PRKCG: variants seen among roughly 807,000 people sequenced by gnomAD.
The protein encoded by PRKCG is protein kinase C gamma type.
A neutral mutation model predicts 82.0 loss-of-function variants in PRKCG; 28 were observed. The ratio of observed to expected loss-of-function variants is 0.34; its 90% confidence interval spans 0.25 to 0.47. The LOEUF (loss-of-function observed/expected upper bound fraction) is 0.47, where lower values mean the gene tolerates loss of function less well. PRKCG is among the 20% of genes least tolerant of loss of function. PRKCG has a pLI of 1.00. For synonymous variants in PRKCG, 383 were observed against 376.6 expected (o/e 1.02, Z -0.20); for missense variants, 640 against 952.7 (o/e 0.67, Z 4.32).
chr19:53,884,467 G>A lies in PRKCG; in HGVS notation c.285+224G>A, dbSNP rs886210001. Among the ~76,000 whole-genome samples the A allele has an allele frequency of 2.6e-5, 4 of 152,242 alleles. No individual in the cohort carries two copies. Among genetic ancestry groups the A allele is most frequent in the South Asian group, 4.1e-4 (2 of 4,822 alleles). On this transcript the variant is annotated intron_variant, in intron 3 of 17. Transcript: ENST00000263431. This position sits in a 1 kb window ranked among gnomAD's most constrained non-coding sequence, Gnocchi z 4.6. ...ACGGGTGGGGCACAGAGAGGAGGCC[G>A]GGGTGAGGAGACTGAAGATGGGTGC...
At chr19:53,887,484 C>A (rs2068639248) in intron 3 of PRKCG, among the ~76,000 whole-genome samples, 1 of 27,856 alleles carries the variant, frequency 3.6e-5, no homozygotes. Context: ...GCAGCAAGAA[C>A]AAAACTCTGT....
At chr19:53,903,664 G>T (rs377472049) in intron 15 of PRKCG, among the ~76,000 whole-genome samples, 13 of 152,234 alleles carry the variant, frequency 8.5e-5, no homozygotes, top group Middle Eastern at 3.4e-3. Context: ...GGTCACATGA[G>T]CCCAAGAACT....
At chr19:53,901,999 A>C (rs2068767865) in intron 14 of PRKCG, among the ~76,000 whole-genome samples, 1 of 152,024 alleles carries the variant, frequency 6.6e-6, no homozygotes. Context: ...ATGTACGTAT[A>C]GATGGATAAA....
chr19:53,891,563 T>A (rs1239092140), intron 5 of PRKCG, 111 bp from the exon 6 acceptor site: 6 of 1,374,594 alleles, frequency 4.4e-6, no homozygotes, highest in Non-Finnish European at 6.2e-6. Context: ...ATTACAGGCA[T>A]GAGCCGCCGT....
chr19:53,893,454 T>C (rs1255914908), intron 9 of PRKCG, 63 bp downstream of exon 9: 1 of 1,510,296 alleles, frequency 6.6e-7, no homozygotes, highest in African/African-American at 1.4e-5. Flanking sequence ...TTCTTATTCC[T>C]CCTCTGACTT....
At chr19:53,903,192 G>A in intron 15 of PRKCG, 39 bp downstream of exon 15, 3 of 1,527,630 alleles carry the variant, frequency 2.0e-6, no homozygotes, top group Non-Finnish European at 2.7e-6. Flanking sequence ...GGCTAAAAGA[G>A]ACAGAGAGGG....
Position 53,900,874 on chromosome 19 carries a change from A to C in PRKCG, c.1575+125A>C, listed in dbSNP as rs1599952069. On this transcript the variant is annotated intron_variant, in intron 14 of 17. Coordinates refer to ENST00000263431, the MANE Select transcript of PRKCG (RefSeq NM_002739.5). This position sits in a 1 kb window ranked among gnomAD's most constrained non-coding sequence, Gnocchi z 4.2. ...TTGTCATGAGTTGTGGCCTTCTTAC[A>C]CAGCCAGTCGTTCCTCCAGCCTCCA... The C allele has an allele frequency of 3.8e-5, 57 of 1,511,978 alleles. No individual in the cohort carries two copies. Among genetic ancestry groups the C allele is most frequent in the African/African-American group, 2.7e-5 (2 of 73,200 alleles). 93.7% of individuals were successfully genotyped at this position (1,511,978 alleles called of 1,614,324 possible). A position where few individuals can be genotyped will look rare whatever the true frequency, so the allele number is the denominator to read the frequency against.
chr19:53,883,092 C>T lies in PRKCG; in HGVS notation c.171-71C>T, dbSNP rs535653133. 1 of 1,588,244 alleles carries T rather than the reference C, an allele frequency of 6.3e-7. No individual in the cohort carries two copies. The highest frequency in any genetic ancestry group is 2.2e-5 in the East Asian group (1 of 44,728). Reference sequence around the variant, plus strand: ...GAGGAGGGTCAGAGAGCGCAGGCCCCCTGTGGCTCGCAGAGGTTGGGGGTC... The same window carrying T: ...GAGGAGGGTCAGAGAGCGCAGGCCCTCTGTGGCTCGCAGAGGTTGGGGGTC... On this transcript the variant is annotated intron_variant, in intron 1 of 17. Coordinates refer to ENST00000263431, the MANE Select transcript of PRKCG (RefSeq NM_002739.5). The surrounding 1 kb of genome is among the most constrained non-coding windows in gnomAD (Gnocchi z 5.4).
intron 14 of PRKCG, 131 bp from the exon 15 acceptor site, chr19:53,902,942 T>G: frequency 3.7e-6 from 1 of 270,946 alleles, no homozygotes. Context: ...CCTGATGAAA[T>G]AAATATTCAG....
intron 11 of PRKCG, 141 bp downstream of exon 11, chr19:53,898,769 CAGGGGGCGTGGCCGGGGGGGGGTCCTTG>C (rs2068736999): frequency 3.1e-5 from 1 of 31,962 alleles, no homozygotes; most frequent in African/African-American, 1.9e-4. Flanking sequence ...ATTGTCTCCT[CAGGGGGCGTGGCCGGGGGGGGGTCCTTG>C]GGGGGCGTGG....
chr19:53,891,137 G>A (rs1222717520), intron 5 of PRKCG, among the ~76,000 whole-genome samples: 1 of 152,138 alleles, frequency 6.6e-6, no homozygotes, highest in Non-Finnish European at 1.5e-5. Context: ...CATGGCCAGG[G>A]TCCAAACTCT....
Position 53,900,883 on chromosome 19 carries a change from C to CGACT in PRKCG, c.1575+135_1575+136insACTG, listed in dbSNP as rs2068758661. 1 of 1,473,506 alleles carries CGACT rather than the reference C, an allele frequency of 6.8e-7. No homozygotes were observed. Among genetic ancestry groups the CGACT allele is most frequent in the African/African-American group, 1.4e-5 (1 of 72,092 alleles). 91.3% of individuals were successfully genotyped at this position (1,473,506 alleles called of 1,614,324 possible). A position where few individuals can be genotyped will look rare whatever the true frequency, so the allele number is the denominator to read the frequency against. On this transcript the variant is annotated intron_variant, in intron 14 of 17. Coordinates refer to ENST00000263431, the MANE Select transcript of PRKCG (RefSeq NM_002739.5). This position sits in a 1 kb window ranked among gnomAD's most constrained non-coding sequence, Gnocchi z 4.2. ...GTTGTGGCCTTCTTACACAGCCAGT[C>CGACT]GTTCCTCCAGCCTCCAGCACAGGTG...
intron 14 of PRKCG, among the ~76,000 whole-genome samples, chr19:53,901,591 AC>A (rs1293188439): frequency 6.8e-6 from 1 of 146,502 alleles, no homozygotes; most frequent in Non-Finnish European, 1.5e-5. Context: ...AGTGGCTCAC[AC>A]CTGTAATTCC....
chr19:53,905,761 CG>C lies in PRKCG; in HGVS notation c.1765-555del, dbSNP rs1333147046. On this transcript the variant is annotated intron_variant, in intron 16 of 17. Coordinates refer to ENST00000263431, the MANE Select transcript of PRKCG (RefSeq NM_002739.5). ...CCCTCCCCCTACCCTTCCCTCTCCCCGTCCCTCTCTCCCCTTCCCTCTCTCC... is the reference window on the plus strand; with the variant it reads ...CCCTCCCCCTACCCTTCCCTCTCCCCTCCCTCTCTCCCCTTCCCTCTCTCC... Among the ~76,000 whole-genome samples the C allele has an allele frequency of 6.5e-5, 8 of 123,992 alleles. No homozygotes were observed. In the East Asian group the frequency reaches 2.0e-3, roughly 31 times the overall value. The allele number at this position is 123,992 out of a possible 152,430, so 81.3% of individuals were successfully genotyped here. A position where few individuals can be genotyped will look rare whatever the true frequency, so the allele number is the denominator to read the frequency against.
At position 53,907,119 on chromosome 19, in the gene PRKCG, G is replaced by A. The variant is rs906053044; in HGVS notation, c.*224G>A. ...CGCGTTCAAGACTTGAGCGGAGCCC[G>A]ATATTCTCCCTGACCTTAGCGTTCT... is the stretch of plus-strand genomic sequence containing the variant. On this transcript the variant is annotated 3_prime_UTR_variant, in exon 18 of 18. Coordinates refer to ENST00000263431, the MANE Select transcript of PRKCG (RefSeq NM_002739.5). 4.7e-6 allele frequency: 5 copies of A among 1,054,530 alleles called. No individual in the cohort carries two copies. The highest frequency in any genetic ancestry group is 1.6e-5 in the African/African-American group (1 of 62,428). 65.3% of individuals were successfully genotyped at this position (1,054,530 alleles called of 1,614,324 possible).
chr19:53,899,372 G>T (rs1032077969), intron 11 of PRKCG, among the ~76,000 whole-genome samples: 42 of 152,188 alleles, frequency 2.8e-4, no homozygotes, highest in African/African-American at 9.4e-4. Flanking sequence ...CTTCCTAGTG[G>T]GCCTGCCCAG....
At chr19:53,885,124 G>T (rs180896070) in intron 3 of PRKCG, among the ~76,000 whole-genome samples, 1 of 152,348 alleles carries the variant, frequency 6.6e-6, no homozygotes, top group Admixed American at 6.5e-5. Flanking sequence ...CTGTCCAATA[G>T]GCAGCCACCA....
intron 17 of PRKCG, 94 bp from the exon 18 acceptor site, chr19:53,906,613 C>G (rs2068813717): frequency 6.4e-7 from 1 of 1,555,282 alleles, no homozygotes; most frequent in African/African-American, 1.4e-5. Flanking sequence ...AATAGAGATT[C>G]TGCAGGAGAC....
rs373098573 is a variant in PRKCG at position 53,882,451 on chromosome 19, C to T, written c.-44C>T. 3.8e-5 allele frequency: 60 copies of T among 1,591,750 alleles called. No homozygotes were observed. The African/African-American group carries it at 7.7e-4, about 21-fold the overall frequency. Reference sequence around the variant, plus strand: ...GCTCCTCTCCCTTCCACCTGTTTCCCCCAAGAAAGGCAGGATCCTGGTCCC... The same window carrying T: ...GCTCCTCTCCCTTCCACCTGTTTCCTCCAAGAAAGGCAGGATCCTGGTCCC... On this transcript the variant is annotated 5_prime_UTR_variant, in exon 1 of 18. Transcript: ENST00000263431. The surrounding 1 kb of genome is among the most constrained non-coding windows in gnomAD (Gnocchi z 6.1).
Sources: allele counts gnomAD v4.1 joint callset (sites outside exome capture counted in the v4.1 genomes callset), GRCh38; gene constraint gnomAD v4.1.1; non-coding constraint Gnocchi (gnomAD v3.1); transcripts MANE v1.5; gene names NCBI Gene and HGNC (gene_info 2026-07-23, HGNC 2026-07-21).